The following NCOA2 variants were observed in gnomAD, a reference collection of about 807,000 sequenced individuals.
NCOA2 encodes class E basic helix-loop-helix protein 75.
A neutral mutation model predicts 145.1 loss-of-function variants in NCOA2; 21 were observed. The ratio of observed to expected loss-of-function variants is 0.14; its 90% CI spans 0.10 to 0.21. The LOEUF (loss-of-function observed/expected upper bound fraction) is 0.21. NCOA2 is among the 10% of genes least tolerant of loss of function. The pLI is 1.00. For synonymous variants in NCOA2, 619 were observed against 637.5 expected (o/e 0.97, Z 0.44); for missense variants, 1,472 against 1,837.6 (o/e 0.80, Z 3.64).
In NCOA2 at chr8:70,199,408, G is replaced by A. The variant is rs189027283; in HGVS notation, c.259+14495C>T. 7.4e-3 allele frequency among the ~76,000 whole-genome samples: 857 copies of A among 115,412 alleles called. 7 individuals carry two copies. Among genetic ancestry groups the A allele is most frequent in the African/African-American group, 0.029 (785 of 27,222 alleles). The allele number at this position is 115,412 out of a possible 152,430, so 75.7% of individuals were successfully genotyped here. ...GGAGGTTGCAGAAAGCCAAGATTGC[G>A]CCACTGCACTCTAGCCTGGGTTGTC... On this transcript the variant is annotated intron_variant, in intron 4 of 22. Transcript: ENST00000452400.
chr8:70,416,824 A>G, the NCOA2 span, among the ~76,000 whole-genome samples: 1 of 152,184 alleles, frequency 6.6e-6, no homozygotes, highest in African/African-American at 2.4e-5. Context: ...GTAATAGCCT[A>G]ATCACTTCTC....
chr8:70,224,601 CT>C (rs1182491039), intron 2 of NCOA2, among the ~76,000 whole-genome samples: 3 of 151,966 alleles, frequency 2.0e-5, no homozygotes, highest in Admixed American at 6.6e-5. Flanking sequence ...CTTAAAAGTG[CT>C]TATAAGGTGC....
intron 4 of NCOA2, among the ~76,000 whole-genome samples, chr8:70,182,636 A>G (rs1815615701): frequency 6.6e-6 from 1 of 152,222 alleles, no homozygotes; most frequent in South Asian, 2.1e-4. Context: ...TTGCCCATAC[A>G]TATTACTATG....
chr8:70,389,216 T>C (rs1812953766), intron 1 of NCOA2, among the ~76,000 whole-genome samples: 1 of 152,214 alleles, frequency 6.6e-6, no homozygotes, highest in South Asian at 2.1e-4. Context: ...TCACATCTGT[T>C]TGGGTTGTAG....
intron 11 of NCOA2, 90 bp from the exon 12 acceptor site, chr8:70,148,573 G>A: frequency 8.7e-7 from 1 of 1,153,120 alleles, no homozygotes. Context: ...ACTGCCATAA[G>A]GCACCACAGC....
chr8:70,209,234 G>A (rs1326828460), intron 4 of NCOA2, among the ~76,000 whole-genome samples: 2 of 152,232 alleles, frequency 1.3e-5, no homozygotes, highest in African/African-American at 4.8e-5. Context: ...TCCAAGATGT[G>A]ACTGAATTGC....
chr8:70,442,299 T>A, the NCOA2 span, among the ~76,000 whole-genome samples: 1 of 152,164 alleles, frequency 6.6e-6, no homozygotes, highest in African/African-American at 2.4e-5. Flanking sequence ...ATTCTAGATG[T>A]ATAGAAGTAA....
chr8:70,253,049 C>G (rs575131581), intron 2 of NCOA2, among the ~76,000 whole-genome samples: 2 of 152,134 alleles, frequency 1.3e-5, no homozygotes, highest in African/African-American at 4.8e-5. Context: ...CCTTTCCTTT[C>G]CTTTCTTCTG....
chr8:70,229,065 A>G (rs2134181471), intron 2 of NCOA2, among the ~76,000 whole-genome samples: 1 of 152,354 alleles, frequency 6.6e-6, no homozygotes, highest in Middle Eastern at 3.4e-3. Flanking sequence ...TGAACAATCT[A>G]ATGTTATATA....
intron 1 of NCOA2, among the ~76,000 whole-genome samples, chr8:70,365,169 C>T (rs1192816266): frequency 6.6e-6 from 1 of 151,726 alleles, no homozygotes; most frequent in East Asian, 1.9e-4. Flanking sequence ...CCCATCTCTA[C>T]AAAAAAATAC....
At chr8:70,412,383 T>TA in the NCOA2 span, among the ~76,000 whole-genome samples, 1 of 149,776 alleles carries the variant, frequency 6.7e-6, no homozygotes, top group South Asian at 2.1e-4. Flanking sequence ...CAAATAATAG[T>TA]AAAACAACAT....
At chr8:70,162,967 T>C in intron 8 of NCOA2, 113 bp from the exon 9 acceptor site, 1 of 1,096,912 alleles carries the variant, frequency 9.1e-7, no homozygotes, top group Non-Finnish European at 1.2e-6. Flanking sequence ...CAGGCTGGAG[T>C]GCAGTGGTGC....
At chr8:70,148,034 T>C (rs778560078) in intron 12 of NCOA2, among the ~76,000 whole-genome samples, 1 of 152,166 alleles carries the variant, frequency 6.6e-6, no homozygotes, top group African/African-American at 2.4e-5. Flanking sequence ...ACTTCATCAA[T>C]GTAGGTCAGT....
Position 70,144,704 on chromosome 8 carries a change from G to A in NCOA2, c.2750C>T (p.Pro917Leu). Residue 917 changes from proline to leucine, a missense_variant, in exon 13 of 23, where the codon CCA becomes CTA. Coordinates refer to ENST00000452400, the MANE Select transcript of NCOA2 (RefSeq NM_006540.4). ...CATCCCTTGATTACCCATCATTCCT[G>A]GCTGAGGTATCACTGAGTAGGGACT... ...NSSPYSVIPQ[P>L]GMMGNQGMIG... The A allele has an allele frequency of 1.2e-6, 2 of 1,613,966 alleles. No individual in the cohort carries two copies. The highest frequency in any genetic ancestry group is 1.3e-5 in the African/African-American group (1 of 75,032).
chr8:70,161,125 T>C (rs1034318341), intron 9 of NCOA2, among the ~76,000 whole-genome samples: 2 of 152,240 alleles, frequency 1.3e-5, no homozygotes, highest in African/African-American at 2.4e-5. Flanking sequence ...TTCTGTTCAA[T>C]GTAACTGATC....
At chr8:70,174,197 C>A (rs1446520584) in intron 5 of NCOA2, among the ~76,000 whole-genome samples, 1 of 152,166 alleles carries the variant, frequency 6.6e-6, no homozygotes, top group African/African-American at 2.4e-5. Flanking sequence ...AAACTGTAGA[C>A]ATTAGCTGGT....
At chr8:70,352,532 A>AT (rs1183892642) in intron 1 of NCOA2, among the ~76,000 whole-genome samples, 2 of 152,132 alleles carry the variant, frequency 1.3e-5, no homozygotes, top group Non-Finnish European at 2.9e-5. Flanking sequence ...TACTTGTGCA[A>AT]TTTTTTCCTA....
At chr8:70,403,643 C>G (rs1212223859) in intron 1 of NCOA2, 57 bp downstream of exon 1, 4 of 354,454 alleles carry the variant, frequency 1.1e-5, no homozygotes, top group African/African-American at 6.4e-5. Flanking sequence ...CGCGGCGCCC[C>G]CCGCCTGCCG....
At chr8:70,323,684 GATT>G (rs1310559175) in intron 1 of NCOA2, among the ~76,000 whole-genome samples, 1 of 152,090 alleles carries the variant, frequency 6.6e-6, no homozygotes, top group South Asian at 2.1e-4. Flanking sequence ...CTGATTATAT[GATT>G]ATAACATTGT....
Sources: gnomAD v4.1 joint callset for allele counts (sites outside exome capture counted in the v4.1 genomes callset) on GRCh38, gnomAD v4.1.1 for gene constraint, MANE v1.5 for transcripts, NCBI Gene and HGNC (gene_info 2026-07-23, HGNC 2026-07-21) for gene names.